SLCO5A1: variants seen among roughly 807,000 people sequenced by gnomAD.
The protein encoded by SLCO5A1 is solute carrier organic anion transporter family member 5A1, also known as organic anion transporter polypeptide-related protein 4.
In SLCO5A1, 39 loss-of-function variants were observed where a neutral mutation model predicts 65.1. The ratio of observed to expected loss-of-function variants is 0.60; its 90% CI spans 0.46 to 0.78. The LOEUF (loss-of-function observed/expected upper bound fraction) is 0.78. Ranked by LOEUF, SLCO5A1 falls within the 30% of genes least tolerant of loss-of-function variation. The pLI is 0.00. For missense variants in SLCO5A1, 1,029 were observed against 1,069.4 expected (o/e 0.96, Z 0.53); for synonymous variants, 438 against 415.7 (o/e 1.05, Z -0.65).
intron 6 of SLCO5A1, among the ~76,000 whole-genome samples, chr8:69,693,805 G>A (rs1273421528): frequency 6.6e-6 from 1 of 152,138 alleles, no homozygotes; most frequent in Non-Finnish European, 1.5e-5. Flanking sequence ...AAGAAATTGA[G>A]GCACAGAAAG....
chr8:69,760,670 C>T (rs2130863139), intron 3 of SLCO5A1, among the ~76,000 whole-genome samples: 1 of 152,212 alleles, frequency 6.6e-6, no homozygotes, highest in Admixed American at 6.5e-5. Flanking sequence ...TATTGCTAAT[C>T]CACATGAAAT....
chr8:69,812,487 A>C (rs1820245902), intron 2 of SLCO5A1, among the ~76,000 whole-genome samples: 1 of 152,242 alleles, frequency 6.6e-6, no homozygotes, highest in African/African-American at 2.4e-5. Flanking sequence ...TGCAAGGTTT[A>C]TGTCCTAAAT....
At chr8:69,688,110 G>T (rs183587819) in intron 6 of SLCO5A1, among the ~76,000 whole-genome samples, 1 of 151,750 alleles carries the variant, frequency 6.6e-6, no homozygotes, top group Non-Finnish European at 1.5e-5. Flanking sequence ...CTCCTAAAAC[G>T]AAGTAAAACA....
chr8:69,673,995 C>CT, intron 9 of SLCO5A1, among the ~76,000 whole-genome samples: 1 of 152,190 alleles, frequency 6.6e-6, no homozygotes, highest in African/African-American at 2.4e-5. Context: ...TAGACATTTC[C>CT]TTAATCCAAT....
chr8:69,751,782 G>A (rs941955514), intron 4 of SLCO5A1, among the ~76,000 whole-genome samples: 14 of 152,058 alleles, frequency 9.2e-5, no homozygotes, highest in Non-Finnish European at 1.9e-4. Flanking sequence ...CCTGACCTCA[G>A]GTAATCCGCC....
At chr8:69,691,892 C>A (rs1416275172) in intron 6 of SLCO5A1, among the ~76,000 whole-genome samples, 1 of 152,112 alleles carries the variant, frequency 6.6e-6, no homozygotes, top group African/African-American at 2.4e-5. Context: ...TACTGAATAC[C>A]ATAGGCAATT....
chr8:69,710,086 T>C (rs920335938), intron 5 of SLCO5A1, among the ~76,000 whole-genome samples: 7 of 149,446 alleles, frequency 4.7e-5, no homozygotes, highest in African/African-American at 1.7e-4. Flanking sequence ...TGGTGTGAGC[T>C]CGGCTCACAG....
intron 5 of SLCO5A1, among the ~76,000 whole-genome samples, chr8:69,712,085 T>C (rs906673060): frequency 2.6e-5 from 4 of 152,218 alleles, no homozygotes; most frequent in African/African-American, 9.6e-5. Flanking sequence ...CACATAAAAC[T>C]CTTAGATATT....
intron 1 of SLCO5A1, chr8:69,833,407 C>G (rs943651914): frequency 6.6e-6 from 1 of 152,282 alleles, no homozygotes; most frequent in African/African-American, 2.4e-5. Flanking sequence ...GACCTGCCCC[C>G]GTCCCGCCCC....
rs1436950836 is a variant in SLCO5A1 at position 69,669,699 on chromosome 8, C to G, written c.*3170G>C. 4 of 151,984 alleles carry G rather than the reference C, an allele frequency of 2.6e-5. No individual in the cohort carries two copies. Among genetic ancestry groups the G allele is most frequent in the Non-Finnish European group, 5.9e-5 (4 of 68,030 alleles). 9.4% of individuals were successfully genotyped at this position (151,984 alleles called of 1,614,324 possible). On this transcript the variant is annotated 3_prime_UTR_variant, in exon 10 of 10. Coordinates refer to ENST00000260126, the MANE Select transcript of SLCO5A1 (RefSeq NM_030958.3). ...GGGTGTGGTGGCACACACCTTAATC[C>G]CAGTTCCTCAGGAGACTGAAACAGG...
At chr8:69,723,677 A>T (rs1815935824) in intron 5 of SLCO5A1, among the ~76,000 whole-genome samples, 1 of 152,196 alleles carries the variant, frequency 6.6e-6, no homozygotes, top group South Asian at 2.1e-4. Flanking sequence ...AACTGATAGA[A>T]AAGGAAGCCA....
In SLCO5A1 at chr8:69,668,073, C is replaced by G. The variant is rs1813232230; in HGVS notation, c.*4796G>C. ...TTTTTTAATGTTGCAAAAGCAAACA[C>G]CTAGGGAGGGTTTTTTGTTTTCTGT... On this transcript the variant is annotated 3_prime_UTR_variant, in exon 10 of 10. Coordinates refer to ENST00000260126, the MANE Select transcript of SLCO5A1 (RefSeq NM_030958.3). 6.6e-6 allele frequency: 1 copy of G among 152,130 alleles called. No homozygotes were observed. The allele number at this position is 152,130 out of a possible 1,614,324, so 9.4% of individuals were successfully genotyped here.
At chr8:69,704,547 T>G (rs920076447) in intron 6 of SLCO5A1, among the ~76,000 whole-genome samples, 1 of 152,110 alleles carries the variant, frequency 6.6e-6, no homozygotes, top group Admixed American at 6.5e-5. Context: ...ATGTCTTAAA[T>G]AAAGAAGCCT....
chr8:69,677,026 G>T (rs549097614), intron 8 of SLCO5A1, among the ~76,000 whole-genome samples: 4,090 of 148,926 alleles, frequency 0.027, 182 homozygotes, highest in African/African-American at 0.099. Context: ...ATACTGCACG[G>T]TTTTTTTGTT....
intron 5 of SLCO5A1, chr8:69,719,861 A>C (rs1815737958): frequency 1.3e-5 from 2 of 152,332 alleles, no homozygotes; most frequent in Admixed American, 6.5e-5. Context: ...AAAGTGCTTA[A>C]ACTCGTTTTA....
intron 2 of SLCO5A1, among the ~76,000 whole-genome samples, chr8:69,800,054 T>C (rs1819667482): frequency 6.6e-6 from 1 of 152,166 alleles, no homozygotes; most frequent in Non-Finnish European, 1.5e-5. Context: ...TACTGAAAGA[T>C]CCACCAAATT....
intron 2 of SLCO5A1, among the ~76,000 whole-genome samples, chr8:69,801,884 A>C (rs1281235951): frequency 1.3e-5 from 2 of 152,220 alleles, no homozygotes; most frequent in Admixed American, 1.3e-4. Context: ...CACAAAATGC[A>C]AGAGCAAAGT....
At chr8:69,700,408 T>C (rs895506534) in intron 6 of SLCO5A1, 1 of 151,842 alleles carries the variant, frequency 6.6e-6, no homozygotes, top group Non-Finnish European at 1.5e-5. Context: ...CATTCTTTGG[T>C]CAAAGGCATG....
intron 5 of SLCO5A1, among the ~76,000 whole-genome samples, chr8:69,707,211 A>T (rs1339489234): frequency 6.6e-6 from 1 of 152,210 alleles, no homozygotes; most frequent in African/African-American, 2.4e-5. Flanking sequence ...TTACAATCTG[A>T]AAGAGAAACA....
Sources: allele counts gnomAD v4.1 joint callset (sites outside exome capture counted in the v4.1 genomes callset), GRCh38; gene constraint gnomAD v4.1.1; transcripts MANE v1.5; gene names NCBI Gene and HGNC (gene_info 2026-07-23, HGNC 2026-07-21).